SEC24A: variants seen among roughly 807,000 people sequenced by gnomAD.
The protein encoded by SEC24A is protein transport protein Sec24A.
SEC24A carries 93 observed loss-of-function variants against 129.4 expected under a neutral mutation model. The ratio of observed to expected loss-of-function variants is 0.72; its 90% CI spans 0.61 to 0.85. The LOEUF (loss-of-function observed/expected upper bound fraction) is 0.85, where lower values mean the gene tolerates loss of function less well. SEC24A is among the 40% of genes least tolerant of loss of function. The pLI is 0.00. For synonymous variants in SEC24A, 460 were observed against 467.3 expected, an observed-to-expected ratio of 0.98 and a Z score of 0.20; for missense variants, 1,264 against 1,307.4, an observed-to-expected ratio of 0.97 and a Z score of 0.51.
At chr5:134,656,716 G>A (rs1750258841) in intron 1 of SEC24A, among the ~76,000 whole-genome samples, 1 of 151,148 alleles carries the variant, frequency 6.6e-6, no homozygotes, top group South Asian at 2.1e-4. Context: ...CTGACTTCAG[G>A]TGATCCACCC....
At chr5:134,679,778 G>A (rs1184873213) in intron 8 of SEC24A, 50 bp downstream of exon 8, 4 of 1,435,788 alleles carry the variant, frequency 2.8e-6, no homozygotes, top group Non-Finnish European at 3.7e-6. Flanking sequence ...TGCATTGTAG[G>A]GAAATCAGAT....
intron 17 of SEC24A, among the ~76,000 whole-genome samples, chr5:134,706,173 C>A (rs146510271): frequency 6.6e-6 from 1 of 152,294 alleles, no homozygotes; most frequent in East Asian, 1.9e-4. Context: ...AGGCGTGAGC[C>A]ACCGTGCCTG....
Position 134,710,537 on chromosome 5 carries a change from A to G in SEC24A, c.2727+1649A>G, listed in dbSNP as rs367880600. Among the ~76,000 whole-genome samples the G allele has an allele frequency of 2.1e-3, 321 of 151,994 alleles. 1 individual carries two copies. Among genetic ancestry groups the G allele is most frequent in the African/African-American group, 7.3e-3 (302 of 41,462 alleles). On this transcript the variant is annotated intron_variant, in intron 18 of 22. Coordinates refer to ENST00000398844, the MANE Select transcript of SEC24A (RefSeq NM_021982.3). The stretch of plus-strand genomic sequence containing the variant: ...CGTGAGCCACCATGCCTGGTCCTTA[A>G]TCTTCTTTAGATACACTTTCTTATA...
At chr5:134,695,767 A>G (rs112776067) in intron 13 of SEC24A, among the ~76,000 whole-genome samples, 2 of 152,050 alleles carry the variant, frequency 1.3e-5, no homozygotes, top group African/African-American at 4.8e-5. Context: ...CGACAGAGTG[A>G]GACTCCGTCT....
chr5:134,702,465 A>C (rs1202358126), intron 15 of SEC24A, among the ~76,000 whole-genome samples: 1 of 152,204 alleles, frequency 6.6e-6, no homozygotes, highest in African/African-American at 2.4e-5. Flanking sequence ...ATACACTTTC[A>C]CTTCATTTTT....
rs764575901 is a variant in SEC24A, at chr5:134,724,964, G to T, written c.3168-16G>T. 11 of 1,367,154 alleles carry T rather than the reference G, an allele frequency of 8.0e-6. No homozygotes were observed. The highest frequency in any genetic ancestry group is 1.4e-5 in the African/African-American group (1 of 69,674). 84.7% of individuals were successfully genotyped at this position (1,367,154 alleles called of 1,614,324 possible). On this transcript the variant is annotated splice_polypyrimidine_tract_variant and intron_variant, in intron 22 of 22. Transcript: ENST00000398844. The stretch of plus-strand genomic sequence containing the variant: ...TGCTACATTTTATCTAAATTTTTTT[G>T]CCTTTTATTCCTAAGGGATGAGAGT...
intron 16 of SEC24A, among the ~76,000 whole-genome samples, chr5:134,705,090 A>ATATATATATATATATT (rs1180461537): frequency 8.1e-6 from 1 of 123,304 alleles, no homozygotes; most frequent in African/African-American, 3.0e-5. Context: ...ATATATATAT[A>ATATATATATATATATT]TTTTTTTTTT....
chr5:134,723,739 A>G, intron 22 of SEC24A, 69 bp downstream of exon 22: 1 of 838,994 alleles, frequency 1.2e-6, no homozygotes, highest in Admixed American at 2.3e-5. Flanking sequence ...TGACAAGAGT[A>G]TAGCAAAAAA....
At chr5:134,699,271 T>G (rs1157444721) in intron 15 of SEC24A, among the ~76,000 whole-genome samples, 1 of 150,142 alleles carries the variant, frequency 6.7e-6, no homozygotes, top group Non-Finnish European at 1.5e-5. Context: ...ACTTGTAAAA[T>G]ATATATAACA....
At chr5:134,650,182 G>A (rs1298927580) in intron 1 of SEC24A, among the ~76,000 whole-genome samples, 1 of 152,076 alleles carries the variant, frequency 6.6e-6, no homozygotes, top group Admixed American at 6.6e-5. Context: ...CAACTATGTG[G>A]GCAGAAGAAA....
chr5:134,685,445 T>C (rs1751420133), intron 9 of SEC24A, among the ~76,000 whole-genome samples: 1 of 152,164 alleles, frequency 6.6e-6, no homozygotes, highest in South Asian at 2.1e-4. Context: ...GTATTAGGTA[T>C]TATTTTAAAA....
At chr5:134,651,808 G>C (rs1750060690) in intron 1 of SEC24A, among the ~76,000 whole-genome samples, 1 of 151,904 alleles carries the variant, frequency 6.6e-6, no homozygotes, top group Admixed American at 6.6e-5. Flanking sequence ...AGAGAGTAGG[G>C]ATATGGTATC....
At chr5:134,705,682 C>T (rs957094431) in intron 17 of SEC24A, among the ~76,000 whole-genome samples, 1 of 151,960 alleles carries the variant, frequency 6.6e-6, no homozygotes, top group Non-Finnish European at 1.5e-5. Flanking sequence ...ATTGATAATT[C>T]ATTTGTTTTT....
chr5:134,697,063 A>G (rs1751847996), intron 13 of SEC24A, 63 bp from the exon 14 acceptor site: 2 of 974,158 alleles, frequency 2.1e-6, no homozygotes, highest in Admixed American at 2.0e-5. Context: ...GTAGATGTGT[A>G]TTTAGATTTT....
chr5:134,666,747 C>G, intron 2 of SEC24A, 76 bp from the exon 3 acceptor site: 1 of 1,168,394 alleles, frequency 8.6e-7, no homozygotes, highest in Non-Finnish European at 1.3e-6. Flanking sequence ...GGAAGTTACT[C>G]AGCTTTGGTA....
chr5:134,649,037 C>CT lies in SEC24A; in HGVS notation c.-39dup, dbSNP rs1485185165. ...GGTCTTTCAGCTCTCTTCTTGTGCG[C>CT]TGTTGTCGACCCCGACCAGCCCCTT... On this transcript the variant is annotated 5_prime_UTR_variant, in exon 1 of 23. Coordinates refer to ENST00000398844, the MANE Select transcript of SEC24A (RefSeq NM_021982.3). 7.5e-6 allele frequency: 11 copies of CT among 1,459,992 alleles called. No individual in the cohort carries two copies. The highest frequency in any genetic ancestry group is 1.0e-5 in the Non-Finnish European group (11 of 1,053,376). 90.4% of individuals were successfully genotyped at this position (1,459,992 alleles called of 1,614,324 possible). A position where few individuals can be genotyped will look rare whatever the true frequency, so the allele number is the denominator to read the frequency against.
At chr5:134,680,053 G>A (rs894696394) in intron 8 of SEC24A, among the ~76,000 whole-genome samples, 4 of 152,124 alleles carry the variant, frequency 2.6e-5, no homozygotes, top group Admixed American at 2.0e-4. Context: ...ATTGTCCCAC[G>A]CCTTTTCTCT....
At chr5:134,703,087 T>G (rs1752051939) in intron 15 of SEC24A, among the ~76,000 whole-genome samples, 1 of 152,012 alleles carries the variant, frequency 6.6e-6, no homozygotes, top group African/African-American at 2.4e-5. Flanking sequence ...TGATACCCAT[T>G]GAAGGTATTT....
intron 2 of SEC24A, among the ~76,000 whole-genome samples, chr5:134,662,399 C>T (rs1750504167): frequency 1.3e-5 from 2 of 152,200 alleles, no homozygotes; most frequent in South Asian, 2.1e-4. Flanking sequence ...CGTGATCCGC[C>T]CGCCTTGACC....
Sources: allele counts gnomAD v4.1 joint callset (sites outside exome capture counted in the v4.1 genomes callset), GRCh38; gene constraint gnomAD v4.1.1; transcripts MANE v1.5; gene names NCBI Gene and HGNC (gene_info 2026-07-23, HGNC 2026-07-21).